The following CDH23 variants were observed in gnomAD, a reference collection of about 807,000 sequenced individuals.
CDH23 encodes the protein cadherin-23.
In CDH23, 189 loss-of-function variants were observed where a neutral mutation model predicts 317.1. The observed-to-expected ratio is 0.60, with a 90% CI of 0.53 to 0.67. The LOEUF (loss-of-function observed/expected upper bound fraction) is 0.67. CDH23 is among the 30% of genes least tolerant of loss of function. CDH23 has a pLI of 0.00. For synonymous variants in CDH23, 1,839 were observed against 1,876.8 expected, an observed-to-expected ratio of 0.98 and a Z score of 0.52; for missense variants, 4,401 against 4,592.4, an observed-to-expected ratio of 0.96 and a Z score of 1.20.
chr10:71,804,591 G>A (rs1339627969), intron 55 of CDH23, among the ~76,000 whole-genome samples: 4 of 152,168 alleles, frequency 2.6e-5, no homozygotes, highest in African/African-American at 4.8e-5. Context: ...TCAAAGAAGC[G>A]TTGTGCCTTT....
At chr10:71,810,102 G>A (rs368564882) in intron 61 of CDH23, 26 bp downstream of exon 61, 64 of 1,607,324 alleles carry the variant, frequency 4.0e-5, no homozygotes, top group East Asian at 2.9e-4. Flanking sequence ...ACCCGGGGCC[G>A]GGGCAGTGGA....
In CDH23 at chr10:71,622,414, T is replaced by C. The variant is rs562627367; in HGVS notation, c.1134+5021T>C. ...GGACAGTTTGTTGCGCGGGTTGGAA[T>C]TTTCTGTTCAGTTGTCCTAGAAAAC... On this transcript the variant is annotated intron_variant, in intron 11 of 69. Transcript: ENST00000224721. 2.8e-4 allele frequency among the ~76,000 whole-genome samples: 43 copies of C among 152,156 alleles called. 1 individual carries two copies. In the South Asian group the frequency reaches 8.9e-3, roughly 32 times the overall value.
At chr10:71,541,995 CAT>C (rs1856012981) in intron 6 of CDH23, among the ~76,000 whole-genome samples, 1 of 152,152 alleles carries the variant, frequency 6.6e-6, no homozygotes, top group African/African-American at 2.4e-5. Flanking sequence ...GCCCACAGAC[CAT>C]AGTTTGCTGA....
intron 14 of CDH23, among the ~76,000 whole-genome samples, chr10:71,659,919 C>T (rs1033898684): frequency 1.3e-5 from 2 of 151,730 alleles, no homozygotes; most frequent in South Asian, 4.2e-4. Context: ...CCAGGTTTAC[C>T]CTGACTCAGC....
chr10:71,801,514 A>G (rs944076027), intron 53 of CDH23, among the ~76,000 whole-genome samples: 4 of 151,888 alleles, frequency 2.6e-5, no homozygotes, highest in Non-Finnish European at 5.9e-5. Context: ...TTCTCATTCC[A>G]GTGTCCACGC....
chr10:71,615,611 G>A lies in CDH23; in HGVS notation c.940G>A (p.Val314Met), dbSNP rs1226921202. 1.9e-6 allele frequency: 3 copies of A among 1,612,712 alleles called. No homozygotes were observed. Among genetic ancestry groups the A allele is most frequent in the African/African-American group, 1.3e-5 (1 of 75,054 alleles). ...PLYSHGFILT[V>M]KGTELNDDRT... ...GTACAGCCATGGCTTCATCCTGACTGTGAAGGTGAGACCTGGGTGGGCACC... is the reference window on the plus strand; with the variant it reads ...GTACAGCCATGGCTTCATCCTGACTATGAAGGTGAGACCTGGGTGGGCACC... The change falls in exon 10 of 70, where the codon GTG becomes ATG. Residue 314 changes from valine to methionine, a missense_variant. Val to Met is a conservative substitution (Grantham distance 21, BLOSUM62 1). This residue lies in a region of CDH23 where 3,068 missense variants were observed against 3,203.3 expected (regional missense o/e 0.96). Transcript: ENST00000224721.
intron 3 of CDH23, among the ~76,000 whole-genome samples, chr10:71,474,050 A>G (rs553266575): frequency 1.3e-5 from 2 of 152,280 alleles, no homozygotes; most frequent in African/African-American, 4.8e-5. Context: ...TAACCTAGGA[A>G]TGGCACTGCT....
chr10:71,584,201 T>C (rs976915319), intron 9 of CDH23, among the ~76,000 whole-genome samples: 7 of 152,206 alleles, frequency 4.6e-5, no homozygotes, highest in Admixed American at 6.5e-5. Flanking sequence ...ATCCATGGTG[T>C]TGACATTTCA....
At chr10:71,475,062 T>A (rs1005141322) in intron 3 of CDH23, among the ~76,000 whole-genome samples, 4 of 152,200 alleles carry the variant, frequency 2.6e-5, no homozygotes, top group African/African-American at 9.6e-5. Context: ...ATGGTGACTA[T>A]TTGCCCCTCC....
Position 71,702,425 on chromosome 10 carries a change from G to T in CDH23, c.2588-124G>T, listed in dbSNP as rs1175719354. Reference sequence around the variant, plus strand: ...GCTGTGAGGCCTAGGCTGCTTCCTGGAGGGGCCTTTGGGATGGAGGGCTCT... The same window carrying T: ...GCTGTGAGGCCTAGGCTGCTTCCTGTAGGGGCCTTTGGGATGGAGGGCTCT... On this transcript the variant is annotated intron_variant, in intron 23 of 69. Coordinates refer to ENST00000224721, the MANE Select transcript of CDH23 (RefSeq NM_022124.6). 6.1e-6 allele frequency: 8 copies of T among 1,313,044 alleles called. No homozygotes were observed. In the East Asian group the frequency reaches 9.2e-5, roughly 15 times the overall value. The allele number at this position is 1,313,044 out of a possible 1,614,324, so 81.3% of individuals were successfully genotyped here. A position where few individuals can be genotyped will look rare whatever the true frequency, so the allele number is the denominator to read the frequency against.
rs1438134577 is a variant in CDH23 at position 71,734,325 on chromosome 10, A to G, written c.4190A>G (p.Lys1397Arg). The change falls in exon 33 of 70, where the codon AAG (lysine) becomes AGG (arginine). Residue 1397 changes from lysine (K) to arginine (R), a missense_variant. By Grantham distance (26) the Lys-to-Arg change is conservative. Coordinates refer to ENST00000224721, the MANE Select transcript of CDH23 (RefSeq NM_022124.6). ...GTGGTGGCAGATGACGGCGGCCCCAAGGTGGACTCCACCGTGGTGAGTGGG... is the reference window on the plus strand; with the variant it reads ...GTGGTGGCAGATGACGGCGGCCCCAGGGTGGACTCCACCGTGGTGAGTGGG... ...LTVVADDGGP[K>R]VDSTVKVYIT... 1.2e-5 allele frequency: 20 copies of G among 1,610,112 alleles called. No individual in the cohort carries two copies. The highest frequency in any genetic ancestry group is 1.6e-5 in the Non-Finnish European group (19 of 1,178,212).
Position 71,591,760 on chromosome 10 carries a change from G to A in CDH23, c.832+13768G>A, listed in dbSNP as rs78022113. Among the ~76,000 whole-genome samples, 2,673 of 152,200 alleles carry A rather than the reference G, an allele frequency of 0.018. 141 individuals carry two copies. The East Asian group carries it at 0.18, about 10-fold the overall frequency. On this transcript the variant is annotated intron_variant, in intron 9 of 69. Coordinates refer to ENST00000224721, the MANE Select transcript of CDH23 (RefSeq NM_022124.6). ...TTTCCTTGACTGACTTTCCTTCTGAGAGTCACCTCAATGCATGTGAAGGGC... is the reference window on the plus strand; with the variant it reads ...TTTCCTTGACTGACTTTCCTTCTGAAAGTCACCTCAATGCATGTGAAGGGC...
At position 71,566,858 on chromosome 10, in the gene CDH23, C is replaced by A. The variant is rs368040543; in HGVS notation, c.546C>A (p.Ser182Arg). 1 of 1,613,970 alleles carries A rather than the reference C, an allele frequency of 6.2e-7. No homozygotes were observed. The highest frequency in any genetic ancestry group is 8.5e-7 in the Non-Finnish European group (1 of 1,179,886). The change falls in exon 7 of 70, where the codon AGC (serine) becomes AGA (arginine). Residue 182 changes from serine to arginine, a missense_variant. Around this residue, in one of 3 missense-constraint regions of CDH23, gnomAD observed 3,068 missense variants for 3,203.3 expected, o/e 0.96. Coordinates refer to ENST00000224721, the MANE Select transcript of CDH23 (RefSeq NM_022124.6). ...QPPSQFFAID[S>R]ARGIVTVIRE... ...CCTCCCAATTCTTCGCCATTGACAGCGCCCGCGGTATCGTCACAGTGATCC... is the reference window on the plus strand; with the variant it reads ...CCTCCCAATTCTTCGCCATTGACAGAGCCCGCGGTATCGTCACAGTGATCC...
At chr10:71,661,892 C>T (rs1165399379) in intron 14 of CDH23, among the ~76,000 whole-genome samples, 2 of 116,718 alleles carry the variant, frequency 1.7e-5, no homozygotes, top group African/African-American at 6.6e-5. Context: ...CAGCGCGCCC[C>T]CTCCCACCCA....
At chr10:71,706,853 C>A (rs372379656) in intron 25 of CDH23, 44 bp from the exon 26 acceptor site, 2 of 1,548,664 alleles carry the variant, frequency 1.3e-6, no homozygotes, top group Non-Finnish European at 1.7e-6. Flanking sequence ...GGGTCTTCTG[C>A]GGCAGAAGCC....
intron 38 of CDH23, among the ~76,000 whole-genome samples, chr10:71,761,317 G>A (rs1238204727): frequency 6.6e-6 from 1 of 152,178 alleles, no homozygotes; most frequent in Admixed American, 6.5e-5. Flanking sequence ...ATGTCATCAT[G>A]AGCAGTCACA....
At chr10:71,716,117 C>T (rs1041112412) in intron 28 of CDH23, 2 of 1,547,928 alleles carry the variant, frequency 1.3e-6, no homozygotes, top group African/African-American at 2.7e-5. Context: ...GTGGGGCATG[C>T]ACTCGTGAGC....
intron 2 of CDH23, among the ~76,000 whole-genome samples, chr10:71,445,089 C>G (rs528734546): frequency 6.6e-6 from 1 of 152,192 alleles, no homozygotes; most frequent in South Asian, 2.1e-4. Flanking sequence ...AGACCCAGCC[C>G]GCTCTGAAGC....
intron 14 of CDH23, among the ~76,000 whole-genome samples, chr10:71,655,148 T>C (rs1201379387): frequency 1.3e-5 from 2 of 152,096 alleles, no homozygotes; most frequent in Non-Finnish European, 2.9e-5. Flanking sequence ...GCAAATCCCC[T>C]TTCCAGCCTG....
Sources: gnomAD v4.1 joint callset for allele counts (sites outside exome capture counted in the v4.1 genomes callset) on GRCh38, gnomAD v4.1.1 for gene constraint, gnomAD v4.1.1 regional missense constraint, MANE v1.5 for transcripts, NCBI Gene and HGNC (gene_info 2026-07-23, HGNC 2026-07-21) for gene names.